The following APBA2 variants were observed in gnomAD, a reference collection of about 807,000 sequenced individuals.
The protein encoded by APBA2 is amyloid-beta A4 precursor protein-binding family A member 2.
A neutral mutation model predicts 75.0 loss-of-function variants in APBA2; 30 were observed. That is an observed-to-expected ratio of 0.40 (90% CI 0.30 to 0.54). APBA2 has a LOEUF of 0.54. APBA2 is among the 20% of genes least tolerant of loss of function. The pLI, the probability that APBA2 is intolerant of heterozygous loss-of-function variation, is 0.49. For synonymous variants in APBA2, 444 were observed against 409.6 expected (o/e 1.08, Z -1.01); for missense variants, 801 against 1,016.1 (o/e 0.79, Z 2.88).
At chr15:28,936,991 T>A (rs2034913672) in intron 2 of APBA2, among the ~76,000 whole-genome samples, 2 of 152,164 alleles carry the variant, frequency 1.3e-5, no homozygotes, top group Admixed American at 1.3e-4. Context: ...AAATGATGCC[T>A]CTCACTAATA....
Position 28,991,342 on chromosome 15 carries a change from G to A in APBA2, c.-94-4411G>A, listed in dbSNP as rs1295081166. On this transcript the variant is annotated intron_variant, in intron 2 of 14. Transcript: ENST00000683413. This position sits in a 1 kb window ranked among gnomAD's most constrained non-coding sequence, Gnocchi z 4.7. Reference sequence around the variant, plus strand: ...TTCCAGCCACAGCTGTGGGGACACCGCCATCTCACTGCATCCCTCTTGCTC... The same window carrying A: ...TTCCAGCCACAGCTGTGGGGACACCACCATCTCACTGCATCCCTCTTGCTC... Among the ~76,000 whole-genome samples the A allele has an allele frequency of 3.9e-5, 6 of 152,172 alleles. No homozygotes were observed. The East Asian group carries it at 5.8e-4, about 15-fold the overall frequency.
intron 2 of APBA2, among the ~76,000 whole-genome samples, chr15:28,938,582 C>G (rs1002621197): frequency 3.9e-5 from 6 of 152,162 alleles, no homozygotes; most frequent in Non-Finnish European, 8.8e-5. Context: ...AATCTTGGCT[C>G]ACTGCACCCT....
chr15:28,967,743 C>T (rs1055476086), intron 2 of APBA2, among the ~76,000 whole-genome samples: 2 of 152,148 alleles, frequency 1.3e-5, no homozygotes, highest in Non-Finnish European at 2.9e-5. Flanking sequence ...CGGCCCCTTT[C>T]TTTATTTTTA....
chr15:28,893,323 G>A (rs1213748793), intron 1 of APBA2, among the ~76,000 whole-genome samples: 1 of 152,256 alleles, frequency 6.6e-6, no homozygotes, highest in African/African-American at 2.4e-5. Context: ...TAGGGTGTGT[G>A]TGTGTTTTAC....
At chr15:29,051,323 C>T (rs1278575437) in intron 3 of APBA2, among the ~76,000 whole-genome samples, 3 of 152,076 alleles carry the variant, frequency 2.0e-5, no homozygotes, top group South Asian at 2.1e-4. Flanking sequence ...AATGGGGTGA[C>T]GGGCCCTGCA....
At chr15:28,969,148 C>CTTTCTTTCTTTCTT (rs1417186713) in intron 2 of APBA2, among the ~76,000 whole-genome samples, 1 of 75,816 alleles carries the variant, frequency 1.3e-5, no homozygotes, top group East Asian at 8.9e-4. Flanking sequence ...TTCTTTCTTT[C>CTTTCTTTCTTTCTT]TTTCTTTCTT....
At chr15:29,090,808 G>A (rs2043526563) in intron 6 of APBA2, among the ~76,000 whole-genome samples, 1 of 152,170 alleles carries the variant, frequency 6.6e-6, no homozygotes, top group African/African-American at 2.4e-5. Context: ...GCAAGGTGGT[G>A]TGAGGTAGTA....
At chr15:29,097,830 C>T (rs1273368284) in intron 8 of APBA2, among the ~76,000 whole-genome samples, 1 of 152,172 alleles carries the variant, frequency 6.6e-6, no homozygotes, top group Non-Finnish European at 1.5e-5. Context: ...TGCCCCAGCC[C>T]CTGATAACCA....
intron 2 of APBA2, among the ~76,000 whole-genome samples, chr15:28,984,179 A>G (rs2037774193): frequency 6.6e-6 from 1 of 152,090 alleles, no homozygotes; most frequent in South Asian, 2.1e-4. Flanking sequence ...AGTGGGGTTG[A>G]AAGCAAGCTC....
intron 6 of APBA2, among the ~76,000 whole-genome samples, chr15:29,088,688 C>T (rs930707612): frequency 8.5e-5 from 13 of 152,280 alleles, no homozygotes; most frequent in Non-Finnish European, 1.9e-4. Flanking sequence ...TGCTGCCTGC[C>T]CCTCTGCCAG....
chr15:28,925,227 A>G (rs1418023172), intron 2 of APBA2, among the ~76,000 whole-genome samples: 1 of 152,226 alleles, frequency 6.6e-6, no homozygotes, highest in African/African-American at 2.4e-5. Flanking sequence ...TGGAAAAAAT[A>G]CCACTTGGTT....
intron 4 of APBA2, among the ~76,000 whole-genome samples, chr15:29,071,378 C>G (rs567507236): frequency 6.6e-6 from 1 of 151,738 alleles, no homozygotes; most frequent in Admixed American, 6.6e-5. Context: ...CTCAGAGCTC[C>G]GGGGACACAC....
intron 3 of APBA2, among the ~76,000 whole-genome samples, chr15:29,048,203 C>G (rs561257283): frequency 1.3e-5 from 2 of 152,100 alleles, no homozygotes; most frequent in African/African-American, 4.8e-5. Context: ...AAAAATTAGC[C>G]GGAGGGTGAT....
rs566243256 is a variant in APBA2, at chr15:29,110,563, C to T, written c.2037+2174C>T. Among the ~76,000 whole-genome samples the T allele has an allele frequency of 1.3e-3, 191 of 152,276 alleles. 1 individual carries two copies. The highest frequency in any genetic ancestry group is 4.3e-3 in the African/African-American group (179 of 41,552). On this transcript the variant is annotated intron_variant, in intron 13 of 14. Coordinates refer to ENST00000683413, the MANE Select transcript of APBA2 (RefSeq NM_001353788.2). Reference sequence around the variant, plus strand: ...TAGGGCCTGTGAATATAGCCCTGCCCGGGATGAGTTTGATGCCCCCTCAGT... The same window carrying T: ...TAGGGCCTGTGAATATAGCCCTGCCTGGGATGAGTTTGATGCCCCCTCAGT...
At chr15:29,115,236 T>C (rs2045019884) in intron 14 of APBA2, among the ~76,000 whole-genome samples, 1 of 117,790 alleles carries the variant, frequency 8.5e-6, no homozygotes, top group Non-Finnish European at 1.6e-5. Flanking sequence ...GTGGCGACCA[T>C]CCTTGCAGCC....
chr15:28,986,475 C>T (rs1396435417), intron 2 of APBA2, among the ~76,000 whole-genome samples: 1 of 152,154 alleles, frequency 6.6e-6, no homozygotes, highest in Non-Finnish European at 1.5e-5. Flanking sequence ...CTGTTGGCCA[C>T]TCTGCTTTTC....
intron 1 of APBA2, among the ~76,000 whole-genome samples, chr15:28,915,119 A>ACACAC: frequency 8.2e-6 from 1 of 121,526 alleles, no homozygotes; most frequent in African/African-American, 3.2e-5. Flanking sequence ...CACACACACC[A>ACACAC]CACACTTAAC....
chr15:29,037,911 G>T (rs554657235), intron 3 of APBA2, among the ~76,000 whole-genome samples: 2 of 152,242 alleles, frequency 1.3e-5, no homozygotes, highest in Admixed American at 1.3e-4. Context: ...ATTCCTGACG[G>T]CAGAGTCCTC....
chr15:29,064,928 G>A (rs751255954), intron 4 of APBA2, among the ~76,000 whole-genome samples: 39 of 152,166 alleles, frequency 2.6e-4, no homozygotes, highest in Middle Eastern at 3.2e-3. Flanking sequence ...CAGAGGCATG[G>A]GAATGGTAGA....
Sources: gnomAD v4.1 joint callset for allele counts (sites outside exome capture counted in the v4.1 genomes callset) on GRCh38, gnomAD v4.1.1 for gene constraint, Gnocchi (gnomAD v3.1) non-coding constraint, MANE v1.5 for transcripts, NCBI Gene and HGNC (gene_info 2026-07-23, HGNC 2026-07-21) for gene names.